Variants in GPT observed in about 807,000 individuals in gnomAD.
GPT encodes the protein glutamic--pyruvic transaminase.
A neutral mutation model predicts 51.4 loss-of-function variants in GPT; 60 were observed. That is an observed-to-expected ratio of 1.17 (90% CI 0.95 to 1.45). The LOEUF (loss-of-function observed/expected upper bound fraction) is 1.45, where lower values mean the gene tolerates loss of function less well. GPT is among the 40% of genes most tolerant of loss of function. The pLI, the probability that GPT is intolerant of heterozygous loss-of-function variation, is 0.00. For missense variants in GPT, 853 were observed against 704.0 expected, an observed-to-expected ratio of 1.21 and a Z score of -2.40; for synonymous variants, 397 against 303.1, an observed-to-expected ratio of 1.31 and a Z score of -3.22.
rs370730581 is a variant in GPT, at chr8:144,506,468, G to A, written c.1132-33G>A. On this transcript the variant is annotated intron_variant, in intron 8 of 10. Coordinates refer to ENST00000394955, the MANE Select transcript of GPT (RefSeq NM_005309.3). The surrounding 1 kb of genome is among the most constrained non-coding windows in gnomAD (Gnocchi z 7.0). ...TCAGGGGTGGGGGATGCCGAGTGCCGTGCCCTGATGGGCCCTCCCTCCGCG... is the reference window on the plus strand; with the variant it reads ...TCAGGGGTGGGGGATGCCGAGTGCCATGCCCTGATGGGCCCTCCCTCCGCG... The A allele has an allele frequency of 4.2e-5, 67 of 1,581,850 alleles. No homozygotes were observed. The highest frequency in any genetic ancestry group is 1.2e-4 in the African/African-American group (9 of 74,534).
Position 144,506,821 on chromosome 8 carries a change from CG to C in GPT, c.1381del (p.Glu461LysfsTer8). On this transcript the variant is annotated frameshift_variant, in exon 10 of 11. Transcript: ENST00000394955. LOFTEE classifies it high-confidence loss of function. The surrounding 1 kb of genome is among the most constrained non-coding windows in gnomAD (Gnocchi z 7.0). ...CVVPGSGFGQREGTYHFRMTI... is the reference protein window; with the variant it reads ...CVVPGSGFGQXEGTYHFRMTI... ...GGTGCCAGGGAGCGGCTTTGGGCAG[CG>C]GGAAGGCACCTACCACTTCCGGTGA... 1 of 1,612,752 alleles carries C rather than the reference CG, an allele frequency of 6.2e-7. No individual in the cohort carries two copies. Among genetic ancestry groups the C allele is most frequent in the Non-Finnish European group, 8.5e-7 (1 of 1,179,976 alleles).
Position 144,505,297 on chromosome 8 carries a change from C to G in GPT, c.547C>G (p.Leu183Val). The change falls in exon 5 of 11, where the codon CTC becomes GTC. Residue 183 changes from leucine to valine, a missense_variant. Transcript: ENST00000394955. ...AGEGHTRTGVLIPIPQYPLYS... is the reference protein window; with the variant it reads ...AGEGHTRTGVVIPIPQYPLYS... ...CGAGGGCCACACACGCACGGGTGTG[C>G]TCATCCCCATCCCCCAGTACCCACT... 1 of 1,575,056 alleles carries G rather than the reference C, an allele frequency of 6.3e-7. No individual in the cohort carries two copies. The highest frequency in any genetic ancestry group is 1.9e-5 in the Admixed American group (1 of 53,934).
At position 144,506,864 on chromosome 8, in the gene GPT, C is replaced by T. The variant is rs1826841081; in HGVS notation, c.1400+21C>T. 3.1e-6 allele frequency: 5 copies of T among 1,611,730 alleles called. No homozygotes were observed. Among genetic ancestry groups the T allele is most frequent in the Admixed American group, 1.7e-5 (1 of 60,026 alleles). The stretch of plus-strand genomic sequence containing the variant: ...TTCCGGTGAGGCCTGGCCCTCACTC[C>T]CTGTCCCGCCACCCTGGCCCTTCAC... On this transcript the variant is annotated intron_variant, in intron 10 of 10. Transcript: ENST00000394955. This position sits in a 1 kb window ranked among gnomAD's most constrained non-coding sequence, Gnocchi z 7.0.
rs543570003 is a variant in GPT, at chr8:144,505,870, C to T, written c.762C>T (p.Cys254=). The T allele has an allele frequency of 1.3e-6, 2 of 1,560,886 alleles. No individual in the cohort carries two copies. The highest frequency in any genetic ancestry group is 1.2e-5 in the South Asian group (1 of 86,206). ...NPTGQVQTRE[C]IEAVIRFAFE... ...CAGGGCAGGTGCAGACCCGCGAGTG[C>T]ATCGAGGCCGTGATCCGCTTCGCCT... Residue 254 remains cysteine (C), a synonymous_variant, in exon 6 of 11, where the codon TGC becomes TGT. Transcript: ENST00000394955.
intron 1 of GPT, 52 bp from the exon 2 acceptor site, chr8:144,504,552 C>G: frequency 6.2e-7 from 1 of 1,609,432 alleles, no homozygotes; most frequent in Non-Finnish European, 8.5e-7. Flanking sequence ...GGGACAAGGG[C>G]TGAGGGGTTA....
At chr8:144,503,688 T>G (rs1444500548), upstream of GPT, 1 of 151,750 alleles carries the variant, frequency 6.6e-6, no homozygotes, top group Admixed American at 6.5e-5. Flanking sequence ...CCCCCTGGAT[T>G]CCTGAGGCCT....
Position 144,505,492 on chromosome 8 carries a change from G to A in GPT, c.739+3G>A. 1 of 1,558,790 alleles carries A rather than the reference G, an allele frequency of 6.4e-7. No individual in the cohort carries two copies. On this transcript the variant is annotated splice_donor_region_variant and intron_variant, in intron 5 of 10. Transcript: ENST00000394955. ...CATCAACCCTGGCAACCCCACCGGT[G>A]CGTTCCCCGCCGCCCCGCCCCACTC...
chr8:144,506,829 C>T lies in GPT; in HGVS notation c.1386C>T (p.Gly462=). Residue 462 remains glycine, a synonymous_variant, in exon 10 of 11, where the codon GGC becomes GGT. Transcript: ENST00000394955. This position sits in a 1 kb window ranked among gnomAD's most constrained non-coding sequence, Gnocchi z 7.0. The part of the protein sequence containing the change: ...VPGSGFGQRE[G]TYHFRMTILP... ...GGAGCGGCTTTGGGCAGCGGGAAGG[C>T]ACCTACCACTTCCGGTGAGGCCTGG... is the stretch of plus-strand genomic sequence containing the variant. The T allele has an allele frequency of 6.2e-7, 1 of 1,612,724 alleles. No homozygotes were observed. The highest frequency in any genetic ancestry group is 8.5e-7 in the Non-Finnish European group (1 of 1,179,922).
Position 144,506,599 on chromosome 8 carries a change from C to T in GPT, c.1230C>T (p.Gly410=), listed in dbSNP as rs750427788. Residue 410 remains glycine, a synonymous_variant, in exon 9 of 11, where the codon GGC becomes GGT. Transcript: ENST00000394955. This position sits in a 1 kb window ranked among gnomAD's most constrained non-coding sequence, Gnocchi z 7.0. ...GCATCAGCTGCAACCCAGTGCAGGG[C>T]GCCATGTACTCCTTCCCGCGCGTGC... The part of the protein sequence containing the change: ...APGISCNPVQ[G]AMYSFPRVQL... The T allele has an allele frequency of 5.7e-6, 9 of 1,567,714 alleles. No individual in the cohort carries two copies. Among genetic ancestry groups the T allele is most frequent in the South Asian group, 2.3e-5 (2 of 85,706 alleles).
chr8:144,504,948 G>A, intron 3 of GPT, 50 bp from the exon 4 acceptor site: 13 of 1,612,912 alleles, frequency 8.1e-6, no homozygotes, highest in East Asian at 2.2e-5. Flanking sequence ...CCTTGGGAGG[G>A]CTGAGGAGAA....
chr8:144,503,109 G>A (rs1003507053), upstream of GPT: 1 of 152,406 alleles, frequency 6.6e-6, no homozygotes, highest in African/African-American at 2.4e-5. Flanking sequence ...TGTGGCAGCG[G>A]AACAGAGACG....
rs1333117399 is a variant in GPT at position 144,506,353 on chromosome 8, C to T, written c.1078C>T (p.Leu360=). 1 of 1,574,818 alleles carries T rather than the reference C, an allele frequency of 6.3e-7. No individual in the cohort carries two copies. Among genetic ancestry groups the T allele is most frequent in the Non-Finnish European group, 8.6e-7 (1 of 1,164,358 alleles). The change falls in exon 8 of 11, where the codon CTG becomes TTG. Residue 360 remains leucine (L), a synonymous_variant. Coordinates refer to ENST00000394955, the MANE Select transcript of GPT (RefSeq NM_005309.3). This position sits in a 1 kb window ranked among gnomAD's most constrained non-coding sequence, Gnocchi z 7.0. ...GGTGCCAGGACAGGCCCTGCTGGAC[C>T]TGGTGGTCAGCCCGCCCGCGCCCAC... The part of the protein sequence containing the change: ...PPVPGQALLD[L]VVSPPAPTDP...
At chr8:144,503,092 AGGCTGTTGT>A (rs1826610818), upstream of GPT, 2 of 152,306 alleles carry the variant, frequency 1.3e-5, no homozygotes, top group South Asian at 4.1e-4. Flanking sequence ...GCGCACGGGG[AGGCTGTTGT>A]GGCAGCGGAA....
Position 144,505,009 on chromosome 8 carries a change from G to T in GPT, c.373G>T (p.Val125Phe), listed in dbSNP as rs143080454. The T allele has an allele frequency of 1.2e-6, 2 of 1,613,090 alleles. No individual in the cohort carries two copies. Among genetic ancestry groups the T allele is most frequent in the Non-Finnish European group, 1.7e-6 (2 of 1,179,976 alleles). The change falls in exon 4 of 11, where the codon GTC becomes TTC. Residue 125 changes from valine to phenylalanine, a missense_variant. Physicochemically the swap from Val to Phe is conservative, Grantham distance 50. Transcript: ENST00000394955. The part of the protein sequence containing the change: ...CGGHSLGAYS[V>F]SSGIQLIRED... ...CTGCCCGAGTCCAGGGGCCTACAGC[G>T]TCAGCTCCGGCATCCAGCTGATCCG...
upstream of GPT, chr8:144,504,064 T>C: frequency 1.7e-6 from 1 of 577,530 alleles, no homozygotes; most frequent in Non-Finnish European, 3.1e-6. Context: ...TCTGCCTCCC[T>C]GGGGCAGAGC....
chr8:144,506,604 T>G lies in GPT; in HGVS notation c.1235T>G (p.Met412Arg), dbSNP rs376611071. 6.4e-7 allele frequency: 1 copy of G among 1,565,942 alleles called. No individual in the cohort carries two copies. The highest frequency in any genetic ancestry group is 1.2e-5 in the South Asian group (1 of 85,632). Residue 412 changes from methionine to arginine, a missense_variant, in exon 9 of 11, where the codon ATG (methionine) becomes AGG (arginine). Transcript: ENST00000394955. This position sits in a 1 kb window ranked among gnomAD's most constrained non-coding sequence, Gnocchi z 7.0. The part of the protein sequence containing the change: ...GISCNPVQGA[M>R]YSFPRVQLPP... The stretch of plus-strand genomic sequence containing the variant: ...AGCTGCAACCCAGTGCAGGGCGCCA[T>G]GTACTCCTTCCCGCGCGTGCAGCTG...
Position 144,507,111 on chromosome 8 carries a change from G to T in GPT, c.*111G>T, listed in dbSNP as rs1826854030. On this transcript the variant is annotated 3_prime_UTR_variant, in exon 11 of 11. Transcript: ENST00000394955. ...TGATGCCTGGCGGGGTGGGGTGGGGGGGGTGCTGGGCCCCTGCCTCTCTGC... is the reference window on the plus strand; with the variant it reads ...TGATGCCTGGCGGGGTGGGGTGGGGTGGGTGCTGGGCCCCTGCCTCTCTGC... 1 of 641,784 alleles carries T rather than the reference G, an allele frequency of 1.6e-6. No homozygotes were observed. Among genetic ancestry groups the T allele is most frequent in the Non-Finnish European group, 2.9e-6 (1 of 350,412 alleles). The allele number at this position is 641,784 out of a possible 1,614,324, so 39.8% of individuals were successfully genotyped here.
chr8:144,504,233 C>A lies in GPT; in HGVS notation c.-72C>A, dbSNP rs754371596. On this transcript the variant is annotated 5_prime_UTR_variant, in exon 1 of 11. Transcript: ENST00000394955. The stretch of plus-strand genomic sequence containing the variant: ...CCAGCCCTGGCCCACTAAGCCAGAC[C>A]CAGCTGTCGCCATTCCCACTTCTGG... 1,058 of 1,537,830 alleles carry A rather than the reference C, an allele frequency of 6.9e-4. 1 individual carries two copies. The highest frequency in any genetic ancestry group is 8.5e-4 in the Non-Finnish European group (968 of 1,136,448).
At position 144,506,695 on chromosome 8, in the gene GPT, G is replaced by GGGGGGGGGGGGCCCCC; in HGVS notation, c.1288-36_1288-35insGGGGGGGGGGGCCCCC. 1 of 1,498,276 alleles carries GGGGGGGGGGGGCCCCC rather than the reference G, an allele frequency of 6.7e-7. No individual in the cohort carries two copies. The highest frequency in any genetic ancestry group is 9.2e-7 in the Non-Finnish European group (1 of 1,082,388). 92.8% of individuals were successfully genotyped at this position (1,498,276 alleles called of 1,614,324 possible). On this transcript the variant is annotated intron_variant, in intron 9 of 10. Transcript: ENST00000394955. The surrounding 1 kb of genome is among the most constrained non-coding windows in gnomAD (Gnocchi z 7.0). ...GGGGCCTGCGGGGTGGGCAGGGGGG[G>GGGGGGGGGGGGCCCCC]CCGGGCATCCCTCTCTGACGGCTCT...
Sources: allele counts gnomAD v4.1 joint callset, GRCh38; gene constraint gnomAD v4.1.1; non-coding constraint Gnocchi (gnomAD v3.1); transcripts MANE v1.5; gene names NCBI Gene and HGNC (gene_info 2026-07-23, HGNC 2026-07-21).